ARHGEF10: variants seen among roughly 807,000 people sequenced by gnomAD.
The protein encoded by ARHGEF10 is Rho guanine nucleotide exchange factor (GEF) 10.
Under a neutral mutation model 147.4 loss-of-function variants are expected in ARHGEF10, and 140 were observed. The observed-to-expected ratio is 0.95, with a 90% CI of 0.83 to 1.09. The LOEUF (loss-of-function observed/expected upper bound fraction) is 1.09. ARHGEF10 is among the 50% of genes least tolerant of loss of function. The pLI is 0.00. For missense variants in ARHGEF10, 2,222 were observed against 1,752.7 expected (o/e 1.27, Z -4.78); for synonymous variants, 902 against 695.8 (o/e 1.30, Z -4.67).
chr8:1,929,523 T>TC, intron 25 of ARHGEF10, 80 bp downstream of exon 25: 1 of 1,480,988 alleles, frequency 6.8e-7, no homozygotes. Flanking sequence ...CCTCCCCACC[T>TC]CCCCACCGGC....
intron 25 of ARHGEF10, among the ~76,000 whole-genome samples, chr8:1,931,042 G>C (rs898638739): frequency 7.9e-5 from 12 of 152,194 alleles, no homozygotes; most frequent in Non-Finnish European, 1.5e-5. Context: ...TGTGTCTTCG[G>C]GGTTGGGCTC....
At position 1,885,686 on chromosome 8, in the gene ARHGEF10, C is replaced by A. The variant is rs754009076; in HGVS notation, c.1161C>A (p.Pro387=). 6.2e-7 allele frequency: 1 copy of A among 1,613,748 alleles called. No homozygotes were observed. Among genetic ancestry groups the A allele is most frequent in the South Asian group, 1.1e-5 (1 of 91,078 alleles). The change falls in exon 11 of 29, where the codon CCC becomes CCA. Residue 387 remains proline (P), a synonymous_variant. Transcript: ENST00000349830. ...KHPEAILTPM[P]EGLSQQQVVR... Reference sequence around the variant, plus strand: ...CGGAAGCCATCTTGACCCCGATGCCCGAGGGTTTATCTCAGCAGCAGGTGA... The same window carrying A: ...CGGAAGCCATCTTGACCCCGATGCCAGAGGGTTTATCTCAGCAGCAGGTGA...
chr8:1,849,808 C>T lies in ARHGEF10; in HGVS notation c.37+6372C>T, dbSNP rs184019347. Among the ~76,000 whole-genome samples the T allele has an allele frequency of 7.3e-4, 84 of 115,552 alleles. 1 individual carries two copies. Among genetic ancestry groups the T allele is most frequent in the African/African-American group, 2.7e-3 (78 of 28,382 alleles). The allele number at this position is 115,552 out of a possible 152,430, so 75.8% of individuals were successfully genotyped here. On this transcript the variant is annotated intron_variant, in intron 2 of 28. Transcript: ENST00000349830. ...TGCTGAGGAGGGCGTGGGCCGGCTG[C>T]GTGGACACAGGGCAAATGCTGAGGA...
rs114339421 is a variant in ARHGEF10 at position 1,854,947 on chromosome 8, C to T, written c.38-3013C>T. On this transcript the variant is annotated intron_variant, in intron 2 of 28. Transcript: ENST00000349830. ...CATGCACTGTCCCAGGTAATCCCAC[C>T]GGTCTCCCGGGGCTGGTGTCACAGC... Among the ~76,000 whole-genome samples, 744 of 152,180 alleles carry T rather than the reference C, an allele frequency of 4.9e-3. 3 individuals carry two copies. The highest frequency in any genetic ancestry group is 0.017 in the African/African-American group (691 of 41,512).
At position 1,937,721 on chromosome 8, in the gene ARHGEF10, G is replaced by C. The variant is rs753162006; in HGVS notation, c.3222+3779G>C. ...AGATTCGAGCCCTGGGTATGTGTCC[G>C]CCTTGCTGACAGCGAGGGCAGCAGC... On this transcript the variant is annotated intron_variant, in intron 26 of 28. Transcript: ENST00000349830. This position sits in a 1 kb window ranked among gnomAD's most constrained non-coding sequence, Gnocchi z 4.9. Among the ~76,000 whole-genome samples, 2 of 152,228 alleles carry C rather than the reference G, an allele frequency of 1.3e-5. No individual in the cohort carries two copies.
At chr8:1,912,258 C>T (rs1220118728) in intron 18 of ARHGEF10, among the ~76,000 whole-genome samples, 2 of 151,942 alleles carry the variant, frequency 1.3e-5, no homozygotes, top group Non-Finnish European at 2.9e-5. Flanking sequence ...TGTGCGTTTG[C>T]CGTGCGGTAT....
At chr8:1,896,485 C>T (rs370187148) in intron 14 of ARHGEF10, 36 bp downstream of exon 14, 4 of 1,383,668 alleles carry the variant, frequency 2.9e-6, no homozygotes, top group East Asian at 4.6e-5. Flanking sequence ...GTTTTAACAC[C>T]ATCTGATAAC....
chr8:1,891,576 G>A (rs1212690108), intron 11 of ARHGEF10, among the ~76,000 whole-genome samples: 2 of 152,178 alleles, frequency 1.3e-5, no homozygotes, highest in Admixed American at 6.5e-5. Flanking sequence ...AGCTCTCCCA[G>A]CTCAGGCCTA....
chr8:1,846,150 C>G (rs1188148650), intron 2 of ARHGEF10, among the ~76,000 whole-genome samples: 1 of 152,230 alleles, frequency 6.6e-6, no homozygotes, highest in South Asian at 2.1e-4. Flanking sequence ...CTGGCGGGAG[C>G]CCGGGAGCCG....
At chr8:1,938,661 C>A (rs1813819398) in intron 26 of ARHGEF10, among the ~76,000 whole-genome samples, 1 of 152,158 alleles carries the variant, frequency 6.6e-6, no homozygotes, top group Admixed American at 6.5e-5. Flanking sequence ...CCTAAGCGGG[C>A]ACGGTGGCTC....
At chr8:1,825,789 C>T (rs536648468) in intron 1 of ARHGEF10, among the ~76,000 whole-genome samples, 15 of 152,260 alleles carry the variant, frequency 9.9e-5, no homozygotes, top group Admixed American at 6.5e-4. Context: ...CAAGATGTAA[C>T]GGGTTTTAAT....
At chr8:1,888,312 T>C (rs1407906031) in intron 11 of ARHGEF10, among the ~76,000 whole-genome samples, 6 of 47,166 alleles carry the variant, frequency 1.3e-4, no homozygotes, top group African/African-American at 6.0e-4. Flanking sequence ...TTTGTGAGGA[T>C]ATGCTGAGTG....
chr8:1,884,717 T>C (rs1808507085), intron 10 of ARHGEF10, among the ~76,000 whole-genome samples: 1 of 152,220 alleles, frequency 6.6e-6, no homozygotes, highest in African/African-American at 2.4e-5. Context: ...CCAGCCATTT[T>C]GTGGATGCTT....
intron 14 of ARHGEF10, among the ~76,000 whole-genome samples, chr8:1,897,819 C>T (rs986489381): frequency 2.6e-5 from 4 of 152,166 alleles, no homozygotes; most frequent in South Asian, 4.1e-4. Flanking sequence ...GTGGCTGCCA[C>T]GTGGCCTTGG....
In ARHGEF10 at chr8:1,876,790, G is replaced by C. The variant is rs1807748319; in HGVS notation, c.843+56G>C. 6 of 1,583,004 alleles carry C rather than the reference G, an allele frequency of 3.8e-6. No individual in the cohort carries two copies. In the Admixed American group the frequency reaches 1.0e-4, roughly 26 times the overall value. On this transcript the variant is annotated intron_variant, in intron 8 of 28. Transcript: ENST00000349830. The stretch of plus-strand genomic sequence containing the variant: ...TTCTCTCGCGTTAACACGGACAGGG[G>C]GCTGTGAATATGATTGTGATCCACC...
At chr8:1,911,205 G>C (rs1210498029) in intron 18 of ARHGEF10, among the ~76,000 whole-genome samples, 1 of 152,142 alleles carries the variant, frequency 6.6e-6, no homozygotes, top group Non-Finnish European at 1.5e-5. Flanking sequence ...AATTCAAGGA[G>C]GTCTTTGGTG....
chr8:1,840,575 T>C lies in ARHGEF10; in HGVS notation c.-47-2778T>C, dbSNP rs546266341. Among the ~76,000 whole-genome samples the C allele has an allele frequency of 2.1e-3, 315 of 149,266 alleles. 2 individuals carry two copies. The highest frequency in any genetic ancestry group is 0.015 in the Middle Eastern group (4 of 274). ...GAAGCTGTCTGATATGGGGACTGTC[T>C]GGTGTGGAAGCTGTCCGATATGGGG... On this transcript the variant is annotated intron_variant, in intron 1 of 28. Coordinates refer to ENST00000349830, the MANE Select transcript of ARHGEF10 (RefSeq NM_014629.4).
At chr8:1,863,887 G>A (rs2294030) in intron 4 of ARHGEF10, among the ~76,000 whole-genome samples, 25,336 of 151,512 alleles carry the variant, frequency 0.17, 2,205 homozygotes, top group Middle Eastern at 0.21. Flanking sequence ...GTGAAAGCTG[G>A]TGTCACATGT....
chr8:1,910,938 A>G (rs1200119781), intron 18 of ARHGEF10, among the ~76,000 whole-genome samples: 1 of 152,204 alleles, frequency 6.6e-6, no homozygotes, highest in Non-Finnish European at 1.5e-5. Flanking sequence ...ATTATTTATG[A>G]TTTATGCTGA....
Sources: gnomAD v4.1 joint callset for allele counts (sites outside exome capture counted in the v4.1 genomes callset) on GRCh38, gnomAD v4.1.1 for gene constraint, Gnocchi (gnomAD v3.1) non-coding constraint, MANE v1.5 for transcripts, NCBI Gene and HGNC (gene_info 2026-07-23, HGNC 2026-07-21) for gene names.